Variants in HIVEP3 observed in about 807,000 individuals in gnomAD.
HIVEP3 encodes transcription factor HIVEP3.
HIVEP3 carries 49 observed loss-of-function variants against 152.8 expected under a neutral mutation model. That is an observed-to-expected ratio of 0.32 (90% CI 0.26 to 0.41). The LOEUF is 0.41. HIVEP3 is among the 10% of genes least tolerant of loss of function. The probability of loss-of-function intolerance (pLI) is 1.00; values close to 1 mark genes in which losing one functional copy is unlikely to be tolerated. For synonymous variants in HIVEP3, 1,269 were observed against 1,289.0 expected (o/e 0.98, Z 0.33); for missense variants, 2,790 against 3,103.3 (o/e 0.90, Z 2.40).
chr1:41,767,827 T>C (rs1648109130), intron 1 of HIVEP3, among the ~76,000 whole-genome samples: 1 of 152,260 alleles, frequency 6.6e-6, no homozygotes, highest in Non-Finnish European at 1.5e-5. Flanking sequence ...TTGTCCATCC[T>C]TAGTACAGTT....
chr1:41,771,313 A>C (rs1240846286), intron 1 of HIVEP3, among the ~76,000 whole-genome samples: 1 of 152,170 alleles, frequency 6.6e-6, no homozygotes, highest in Non-Finnish European at 1.5e-5. Context: ...TAATTTACTA[A>C]AAAATAATCC....
At chr1:41,530,565 G>C (rs1643215501) in intron 5 of HIVEP3, among the ~76,000 whole-genome samples, 1 of 152,154 alleles carries the variant, frequency 6.6e-6, no homozygotes, top group African/African-American at 2.4e-5. Flanking sequence ...GCAACCTCCT[G>C]GACACTAGCC....
chr1:41,649,205 TA>T (rs149355866), intron 2 of HIVEP3, among the ~76,000 whole-genome samples: 2,005 of 152,338 alleles, frequency 0.013, 44 homozygotes, highest in African/African-American at 0.043. Context: ...CATTGAGTCT[TA>T]CTCTGGGAGA....
intron 1 of HIVEP3, among the ~76,000 whole-genome samples, chr1:41,960,736 C>T (rs1645165184): frequency 6.6e-6 from 1 of 152,118 alleles, no homozygotes; most frequent in African/African-American, 2.4e-5. Flanking sequence ...TCCACTTTTG[C>T]ACGCCCACAG....
At chr1:41,838,154 C>T (rs1442518501) in intron 1 of HIVEP3, among the ~76,000 whole-genome samples, 2 of 152,118 alleles carry the variant, frequency 1.3e-5, no homozygotes, top group Non-Finnish European at 2.9e-5. Context: ...TAGATTCACA[C>T]AGAGTTGTAA....
intron 1 of HIVEP3, among the ~76,000 whole-genome samples, chr1:41,792,442 C>T (rs1339761647): frequency 6.6e-6 from 1 of 152,230 alleles, no homozygotes; most frequent in African/African-American, 2.4e-5. Flanking sequence ...CTTCCTCCAG[C>T]CGTGGTGGTG....
intron 3 of HIVEP3, among the ~76,000 whole-genome samples, chr1:41,614,981 A>G (rs1324631979): frequency 6.6e-6 from 1 of 152,168 alleles, no homozygotes; most frequent in Non-Finnish European, 1.5e-5. Context: ...GAGCTAGGCA[A>G]TTGGCTCTCC....
At chr1:41,904,182 C>G (rs1160100555) in intron 1 of HIVEP3, among the ~76,000 whole-genome samples, 1 of 152,252 alleles carries the variant, frequency 6.6e-6, no homozygotes, top group South Asian at 2.1e-4. Flanking sequence ...CAGGCCTGAG[C>G]CACCGTGCCT....
chr1:41,763,466 T>C (rs1257966841), intron 1 of HIVEP3, among the ~76,000 whole-genome samples: 1 of 152,160 alleles, frequency 6.6e-6, no homozygotes, highest in African/African-American at 2.4e-5. Context: ...TCCATTCAAG[T>C]TGGATGCCCC....
At chr1:41,624,989 C>T (rs946756601) in intron 3 of HIVEP3, among the ~76,000 whole-genome samples, 3 of 151,920 alleles carry the variant, frequency 2.0e-5, no homozygotes, top group African/African-American at 7.3e-5. Context: ...CATGGTGAAA[C>T]CCCATCTCTA....
rs1645760224 is a variant in HIVEP3 at position 41,664,167 on chromosome 1, C to T, written c.-720-35220G>A. Among the ~76,000 whole-genome samples the T allele has an allele frequency of 6.6e-6, 1 of 152,240 alleles. No individual in the cohort carries two copies. Among genetic ancestry groups the T allele is most frequent in the African/African-American group, 2.4e-5 (1 of 41,464 alleles). ...CCTTGATACAGGTCCTTCTCTTGAG[C>T]AGGGCAACTGGGGTGGGGTGCCCCC... On this transcript the variant is annotated intron_variant, in intron 2 of 8. Transcript: ENST00000372583. This position sits in a 1 kb window ranked among gnomAD's most constrained non-coding sequence, Gnocchi z 4.4.
intron 1 of HIVEP3, among the ~76,000 whole-genome samples, chr1:42,012,955 T>C (rs1645501938): frequency 6.6e-6 from 1 of 152,232 alleles, no homozygotes; most frequent in East Asian, 1.9e-4. Context: ...TCCAATCTGT[T>C]GTTCATGGCA....
At position 41,510,962 on chromosome 1, in the gene HIVEP3, T is replaced by TCCCGGGCCC; in HGVS notation, c.6701_6709dup (p.Gly2234_Arg2236dup). On this transcript the variant is annotated inframe_insertion, in exon 9 of 9. Transcript: ENST00000372583. The stretch of plus-strand genomic sequence containing the variant: ...ACTCCAGCGGCCTCGCTCCTGGGCC[T>TCCCGGGCCC]CCCGGGCCCCTGTCAGGTCGCTGCC... 6.2e-7 allele frequency: 1 copy of TCCCGGGCCC among 1,613,486 alleles called. No homozygotes were observed. Among genetic ancestry groups the TCCCGGGCCC allele is most frequent in the Non-Finnish European group, 8.5e-7 (1 of 1,179,858 alleles).
intron 1 of HIVEP3, among the ~76,000 whole-genome samples, chr1:41,824,795 A>C (rs1642739738): frequency 8.4e-5 from 1 of 11,896 alleles, no homozygotes; most frequent in Non-Finnish European, 2.0e-4. Flanking sequence ...AGAGAGAGAG[A>C]GAGAGAGAGA....
Position 41,884,408 on chromosome 1 carries a change from T to C in HIVEP3, c.-801+34005A>G, listed in dbSNP as rs148322227. ...ACATGCAACCTGCCACCTGGGAGGA[T>C]GGGCAGGCATTCCCGAAATGCCATC... On this transcript the variant is annotated intron_variant, in intron 1 of 8. Transcript: ENST00000372583. Among the ~76,000 whole-genome samples, 372 of 152,306 alleles carry C rather than the reference T, an allele frequency of 2.4e-3. 1 individual carries two copies. The highest frequency in any genetic ancestry group is 8.3e-3 in the African/African-American group (344 of 41,564).
At chr1:41,850,898 G>C (rs1643578587) in intron 1 of HIVEP3, among the ~76,000 whole-genome samples, 1 of 152,076 alleles carries the variant, frequency 6.6e-6, no homozygotes, top group African/African-American at 2.4e-5. Flanking sequence ...GTTTCAACTT[G>C]GACCTGTGCT....
At chr1:41,609,239 T>C (rs1432027362) in intron 3 of HIVEP3, among the ~76,000 whole-genome samples, 1 of 152,214 alleles carries the variant, frequency 6.6e-6, no homozygotes. Context: ...ATGCAGGGCA[T>C]CATCTCAGAA....
chr1:41,639,400 C>T (rs1280478781), intron 2 of HIVEP3, among the ~76,000 whole-genome samples: 1 of 152,202 alleles, frequency 6.6e-6, no homozygotes, highest in Non-Finnish European at 1.5e-5. Context: ...CTGGTTTCAT[C>T]CATTACTAGC....
intron 1 of HIVEP3, among the ~76,000 whole-genome samples, chr1:41,817,088 T>C (rs1018733272): frequency 6.6e-6 from 1 of 152,224 alleles, no homozygotes; most frequent in African/African-American, 2.4e-5. Context: ...CACTGAGGAA[T>C]TGCTGGTGCC....
Sources: allele counts gnomAD v4.1 joint callset (sites outside exome capture counted in the v4.1 genomes callset), GRCh38; gene constraint gnomAD v4.1.1; non-coding constraint Gnocchi (gnomAD v3.1); transcripts MANE v1.5; gene names NCBI Gene and HGNC (gene_info 2026-07-23, HGNC 2026-07-21).